Variants in TCERG1L observed in about 807,000 individuals in gnomAD.
The protein encoded by TCERG1L is transcription elongation regulator 1 like, also known as transcription elongation regulator 1-like protein.
Under a neutral mutation model 56.3 loss-of-function variants are expected in TCERG1L, and 37 were observed. That is an observed-to-expected ratio of 0.66 (90% CI 0.51 to 0.87). The LOEUF (loss-of-function observed/expected upper bound fraction) is 0.87. TCERG1L is among the 40% of genes least tolerant of loss of function. The pLI is 0.00. For missense variants in TCERG1L, 799 were observed against 774.2 expected (o/e 1.03, Z -0.38); for synonymous variants, 324 against 326.3 (o/e 0.99, Z 0.08).
chr10:131,293,617 G>A (rs1846657662), intron 3 of TCERG1L, among the ~76,000 whole-genome samples: 1 of 151,920 alleles, frequency 6.6e-6, no homozygotes, highest in South Asian at 2.1e-4. Context: ...AACCTCCCAA[G>A]CTTGTGATAA....
intron 4 of TCERG1L, among the ~76,000 whole-genome samples, chr10:131,257,017 G>GA (rs1422674831): frequency 1.4e-5 from 2 of 139,374 alleles, no homozygotes; most frequent in Non-Finnish European, 3.1e-5. Flanking sequence ...AAGAAAGAAA[G>GA]AAAGAAAGAA....
At chr10:131,146,113 A>C (rs918624893) in intron 7 of TCERG1L, among the ~76,000 whole-genome samples, 53 of 152,314 alleles carry the variant, frequency 3.5e-4, no homozygotes, top group African/African-American at 1.3e-3. Context: ...GCAAAGGTCT[A>C]AAGTGAATGT....
rs577070622 is a variant in TCERG1L at position 131,264,064 on chromosome 10, C to T, written c.671-3620G>A. 2.6e-5 allele frequency among the ~76,000 whole-genome samples: 4 copies of T among 151,464 alleles called. No individual in the cohort carries two copies. In the South Asian group the frequency reaches 8.4e-4, roughly 32 times the overall value. ...GTGGGACGGAGGGAGGGCTGAAACA[C>T]GCAAAGCCCCTCAGCCACTGATAAC... On this transcript the variant is annotated intron_variant, in intron 3 of 11. Transcript: ENST00000368642.
At chr10:131,131,255 C>G (rs976107563) in intron 8 of TCERG1L, among the ~76,000 whole-genome samples, 10 of 152,114 alleles carry the variant, frequency 6.6e-5, no homozygotes, top group Non-Finnish European at 1.3e-4. Context: ...CACCACCCTG[C>G]ACACGTGAGG....
chr10:131,214,296 C>T (rs745974279), intron 4 of TCERG1L, among the ~76,000 whole-genome samples: 8 of 151,936 alleles, frequency 5.3e-5, no homozygotes, highest in Non-Finnish European at 8.8e-5. Flanking sequence ...CCCCATGGGA[C>T]CCCCAGGGAG....
intron 10 of TCERG1L, among the ~76,000 whole-genome samples, chr10:131,100,049 T>C (rs61609934): frequency 0.019 from 2,943 of 152,168 alleles, 95 homozygotes; most frequent in African/African-American, 0.065. Context: ...GTACTTTTAG[T>C]AGAGACAGGG....
At chr10:131,282,167 C>T (rs1405757231) in intron 3 of TCERG1L, among the ~76,000 whole-genome samples, 2 of 147,892 alleles carry the variant, frequency 1.4e-5, no homozygotes, top group African/African-American at 5.0e-5. Context: ...AAAAAGAAAA[C>T]CCTTCTTCTG....
At chr10:131,223,687 C>A (rs867294026) in intron 4 of TCERG1L, among the ~76,000 whole-genome samples, 1 of 134,254 alleles carries the variant, frequency 7.4e-6, no homozygotes, top group South Asian at 2.4e-4. Context: ...CTCACCCTCA[C>A]GCATACAGAC....
intron 4 of TCERG1L, among the ~76,000 whole-genome samples, chr10:131,170,716 G>C (rs948171292): frequency 6.6e-6 from 1 of 152,176 alleles, no homozygotes; most frequent in Non-Finnish European, 1.5e-5. Context: ...GGGAAGAAGT[G>C]AGAGGAAGTA....
At chr10:131,136,288 C>T (rs1845674527) in intron 7 of TCERG1L, among the ~76,000 whole-genome samples, 1 of 152,218 alleles carries the variant, frequency 6.6e-6, no homozygotes, top group Non-Finnish European at 1.5e-5. Context: ...ACACTTTATG[C>T]CCCCTGCTTC....
At chr10:131,291,396 C>CCTTT (rs1167056441) in intron 3 of TCERG1L, among the ~76,000 whole-genome samples, 2 of 67,698 alleles carry the variant, frequency 3.0e-5, no homozygotes, top group Non-Finnish European at 5.5e-5. Flanking sequence ...CCATAAACAG[C>CCTTT]ATTTCTTTTT....
chr10:131,141,999 C>T (rs1318947425), intron 7 of TCERG1L, among the ~76,000 whole-genome samples: 6 of 152,186 alleles, frequency 3.9e-5, no homozygotes, highest in Non-Finnish European at 8.8e-5. Flanking sequence ...GCACAGTCAA[C>T]TCAGGATTCT....
At chr10:131,271,279 G>T (rs1420410364) in intron 3 of TCERG1L, among the ~76,000 whole-genome samples, 1 of 152,226 alleles carries the variant, frequency 6.6e-6, no homozygotes, top group African/African-American at 2.4e-5. Context: ...AGAATATCAG[G>T]CCTAGTGAGC....
chr10:131,310,596 G>A (rs1846876754), intron 1 of TCERG1L, among the ~76,000 whole-genome samples: 2 of 152,202 alleles, frequency 1.3e-5, no homozygotes, highest in Non-Finnish European at 2.9e-5. Flanking sequence ...GCCTAGCTCT[G>A]CTGCACCATT....
At chr10:131,282,004 CG>C (rs1564833043) in intron 3 of TCERG1L, among the ~76,000 whole-genome samples, 2 of 151,868 alleles carry the variant, frequency 1.3e-5, no homozygotes, top group Non-Finnish European at 2.9e-5. Flanking sequence ...GGCGCGGTGG[CG>C]GGCGCCTGTA....
At chr10:131,230,503 G>A (rs1201365647) in intron 4 of TCERG1L, among the ~76,000 whole-genome samples, 2 of 152,226 alleles carry the variant, frequency 1.3e-5, no homozygotes, top group South Asian at 2.1e-4. Flanking sequence ...GGACGCTGGG[G>A]AAAAGAACCA....
chr10:131,131,362 C>T (rs1446047856), intron 8 of TCERG1L, among the ~76,000 whole-genome samples: 1 of 152,146 alleles, frequency 6.6e-6, no homozygotes, highest in Non-Finnish European at 1.5e-5. Flanking sequence ...CAAAGCAGGT[C>T]TGAACTATGA....
At chr10:131,180,562 A>G (rs1307025524) in intron 4 of TCERG1L, among the ~76,000 whole-genome samples, 1 of 152,210 alleles carries the variant, frequency 6.6e-6, no homozygotes, top group African/African-American at 2.4e-5. Context: ...TACTGCTGAT[A>G]CGATTGTGTA....
intron 3 of TCERG1L, among the ~76,000 whole-genome samples, chr10:131,286,929 C>G (rs1262213654): frequency 6.6e-6 from 1 of 152,032 alleles, no homozygotes; most frequent in Non-Finnish European, 1.5e-5. Context: ...AGACGTGTTG[C>G]GAATATCAGA....
Sources: gnomAD v4.1 joint callset for allele counts (sites outside exome capture counted in the v4.1 genomes callset) on GRCh38, gnomAD v4.1.1 for gene constraint, MANE v1.5 for transcripts, NCBI Gene and HGNC (gene_info 2026-07-23, HGNC 2026-07-21) for gene names.